PLBD1: variants seen among roughly 807,000 people sequenced by gnomAD.
PLBD1 encodes lysosomal leucine aminopeptidase.
A neutral mutation model predicts 63.0 loss-of-function variants in PLBD1; 60 were observed. The observed-to-expected ratio is 0.95, with a 90% confidence interval of 0.77 to 1.18. The LOEUF is 1.18. Ranked by LOEUF, PLBD1 falls within the 50% of genes most tolerant of loss-of-function variation. PLBD1 has a pLI of 0.00. For missense variants in PLBD1, 598 were observed against 677.9 expected (o/e 0.88, Z 1.31); for synonymous variants, 262 against 248.0 (o/e 1.06, Z -0.53).
At chr12:14,530,249 G>A (rs770881819) in intron 6 of PLBD1, 1 of 152,286 alleles carries the variant, frequency 6.6e-6, no homozygotes, top group Non-Finnish European at 1.5e-5. Flanking sequence ...TTAGTAAGTC[G>A]TTTTGGAAGT....
At chr12:14,511,157 C>CCAA in intron 8 of PLBD1, 103 bp downstream of exon 8, 1 of 1,120,782 alleles carries the variant, frequency 8.9e-7, no homozygotes, top group Non-Finnish European at 1.2e-6. Flanking sequence ...TCTTCCCCAC[C>CCAA]ATACCCTCCC....
At position 14,503,974 on chromosome 12, in the gene PLBD1, G is replaced by A; in HGVS notation, c.1480-20C>T. On this transcript the variant is annotated intron_variant, in intron 10 of 10. Transcript: ENST00000240617. ...TGCCACCTGGAAAGAGGGAGGAGGA[G>A]GACATTTTAGAAAATCATCGTTCAG... is the stretch of plus-strand genomic sequence containing the variant. 6.4e-7 allele frequency: 1 copy of A among 1,572,642 alleles called. No homozygotes were observed. The highest frequency in any genetic ancestry group is 1.4e-5 in the African/African-American group (1 of 73,540).
chr12:14,540,106 T>TTTTTTATATA lies in PLBD1; in HGVS notation c.558+657_558+658insTATATAAAAA, dbSNP rs71448876. Among the ~76,000 whole-genome samples, 152 of 64,032 alleles carry TTTTTTATATA rather than the reference T, an allele frequency of 2.4e-3. 6 individuals are homozygous for TTTTTTATATA. Among genetic ancestry groups the TTTTTTATATA allele is most frequent in the African/African-American group, 8.5e-3 (145 of 17,106 alleles). The allele number at this position is 64,032 out of a possible 152,430, so 42.0% of individuals were successfully genotyped here. On this transcript the variant is annotated intron_variant, in intron 4 of 10. Transcript: ENST00000240617. Reference sequence around the variant, plus strand: ...AAAAGAGAGTTATATAATATAAATATTATTTATATATATATATATATATAT... The same window carrying TTTTTTATATA: ...AAAAGAGAGTTATATAATATAAATATTTTTTATATATATTTATATATATATATATATATAT...
At chr12:14,554,589 G>C (rs971492927) in intron 1 of PLBD1, among the ~76,000 whole-genome samples, 4 of 151,992 alleles carry the variant, frequency 2.6e-5, no homozygotes, top group Non-Finnish European at 4.4e-5. Flanking sequence ...CTGGAAAGAG[G>C]AATGCACTCA....
At chr12:14,506,394 C>T (rs1044793369) in intron 9 of PLBD1, 126 bp from the exon 10 acceptor site, 4 of 657,242 alleles carry the variant, frequency 6.1e-6, no homozygotes, top group African/African-American at 1.9e-5. Flanking sequence ...GCCTCCTCAG[C>T]CCAGTCTGCT....
At chr12:14,553,837 C>A in intron 1 of PLBD1, 1 of 195,128 alleles carries the variant, frequency 5.1e-6, no homozygotes, top group Non-Finnish European at 1.1e-5. Context: ...TTTGACTGAG[C>A]GCTCAGCTTC....
intron 1 of PLBD1, among the ~76,000 whole-genome samples, chr12:14,562,425 G>C (rs1457344711): frequency 6.8e-6 from 1 of 147,310 alleles, no homozygotes; most frequent in African/African-American, 2.5e-5. Flanking sequence ...GCAGCACTGC[G>C]GTCCAGCCTG....
At chr12:14,522,255 C>T (rs946287973) in intron 6 of PLBD1, among the ~76,000 whole-genome samples, 1 of 152,042 alleles carries the variant, frequency 6.6e-6, no homozygotes, top group Non-Finnish European at 1.5e-5. Flanking sequence ...AATATGAAAA[C>T]TTAGAAGAAA....
chr12:14,509,821 C>G (rs1288868866), intron 8 of PLBD1, among the ~76,000 whole-genome samples: 1 of 152,138 alleles, frequency 6.6e-6, no homozygotes, highest in Non-Finnish European at 1.5e-5. Flanking sequence ...ATTTCTAAAA[C>G]ATAAAGTCTG....
intron 6 of PLBD1, among the ~76,000 whole-genome samples, chr12:14,514,590 C>A (rs1438531804): frequency 2.0e-5 from 3 of 152,126 alleles, no homozygotes; most frequent in African/African-American, 7.2e-5. Context: ...GGAGAGTGAA[C>A]TGGCCTGCAA....
At chr12:14,515,418 A>T (rs1177902626) in intron 6 of PLBD1, among the ~76,000 whole-genome samples, 1 of 152,104 alleles carries the variant, frequency 6.6e-6, no homozygotes, top group Non-Finnish European at 1.5e-5. Flanking sequence ...TAAAAAAAAA[A>T]CAGAAATTAA....
chr12:14,549,627 G>A (rs745981749), intron 2 of PLBD1, among the ~76,000 whole-genome samples: 10 of 152,062 alleles, frequency 6.6e-5, no homozygotes, highest in South Asian at 2.1e-4. Flanking sequence ...GAAACCCACC[G>A]TCCTTCGATT....
intron 4 of PLBD1, among the ~76,000 whole-genome samples, chr12:14,538,985 C>T (rs139247171): frequency 1.3e-5 from 2 of 152,222 alleles, no homozygotes; most frequent in East Asian, 3.9e-4. Context: ...TCAACCACTG[C>T]CCTCCAGCCT....
intron 4 of PLBD1, among the ~76,000 whole-genome samples, chr12:14,540,028 A>T (rs1292518659): frequency 7.4e-5 from 3 of 40,766 alleles, no homozygotes; most frequent in Non-Finnish European, 1.8e-4. Flanking sequence ...ATATATATAT[A>T]TATATATATA....
At chr12:14,504,889 A>G (rs1945240281) in intron 10 of PLBD1, among the ~76,000 whole-genome samples, 2 of 152,224 alleles carry the variant, frequency 1.3e-5, no homozygotes, top group South Asian at 4.1e-4. Context: ...ACTTTCTGAT[A>G]AGAACAATTG....
intron 6 of PLBD1, among the ~76,000 whole-genome samples, chr12:14,518,009 C>T (rs915716043): frequency 2.0e-5 from 3 of 152,152 alleles, no homozygotes; most frequent in East Asian, 1.9e-4. Context: ...GGTGAAACCG[C>T]GTCTCTACTA....
Position 14,540,837 on chromosome 12 carries a change from G to GT in PLBD1, c.484dup (p.Thr162AsnfsTer37), listed in dbSNP as rs1385624975. ...ATCTATTTGTGCCATCACATAGCCT[G>GT]TATGTCTCCAAAATGAATCAGTCTT... On this transcript the variant is annotated frameshift_variant, in exon 4 of 11. Transcript: ENST00000240617. LOFTEE classifies it high-confidence loss of function. 2 of 1,611,166 alleles carry GT rather than the reference G, an allele frequency of 1.2e-6. No individual in the cohort carries two copies. The highest frequency in any genetic ancestry group is 2.7e-5 in the African/African-American group (2 of 74,976).
chr12:14,547,780 C>T (rs758331505), intron 2 of PLBD1, among the ~76,000 whole-genome samples: 14 of 152,130 alleles, frequency 9.2e-5, no homozygotes, highest in Non-Finnish European at 1.8e-4. Context: ...CTCCTACGCT[C>T]TCCTGTTTGG....
At chr12:14,541,178 C>T (rs1311795935) in intron 3 of PLBD1, among the ~76,000 whole-genome samples, 1 of 152,134 alleles carries the variant, frequency 6.6e-6, no homozygotes, top group Non-Finnish European at 1.5e-5. Context: ...GATACAAGAC[C>T]TAAACATGTC....
Sources: gnomAD v4.1 joint callset for allele counts (sites outside exome capture counted in the v4.1 genomes callset) on GRCh38, gnomAD v4.1.1 for gene constraint, MANE v1.5 for transcripts, NCBI Gene and HGNC (gene_info 2026-07-23, HGNC 2026-07-21) for gene names.